ECT2L: variants seen among roughly 807,000 people sequenced by gnomAD.
ECT2L encodes the protein epithelial cell-transforming sequence 2 oncogene-like.
Under a neutral mutation model 122.8 loss-of-function variants are expected in ECT2L, and 126 were observed. The ratio of observed to expected loss-of-function variants is 1.03; its 90% CI spans 0.89 to 1.19. The LOEUF (loss-of-function observed/expected upper bound fraction) is 1.19, where lower values mean the gene tolerates loss of function less well. ECT2L is among the 50% of genes most tolerant of loss of function. ECT2L has a pLI of 0.00. For synonymous variants in ECT2L, 385 were observed against 381.8 expected (o/e 1.01, Z -0.10); for missense variants, 1,012 against 1,064.1 (o/e 0.95, Z 0.68).
intron 12 of ECT2L, among the ~76,000 whole-genome samples, chr6:138,865,863 A>G (rs17067976): frequency 0.013 from 1,934 of 152,270 alleles, 38 homozygotes; most frequent in African/African-American, 0.044. Flanking sequence ...CTAAAACACC[A>G]TATGAATCAA....
chr6:138,806,569 G>A (rs1354113598), intron 1 of ECT2L, among the ~76,000 whole-genome samples: 1 of 140,998 alleles, frequency 7.1e-6, no homozygotes, highest in African/African-American at 2.7e-5. Context: ...CTGGAGTGCA[G>A]TGGTGAAATC....
At chr6:138,894,135 C>A (rs1165186416) in intron 20 of ECT2L, among the ~76,000 whole-genome samples, 1 of 152,146 alleles carries the variant, frequency 6.6e-6, no homozygotes, top group Non-Finnish European at 1.5e-5. Context: ...CAGCTCACTG[C>A]AACCTCCACC....
chr6:138,850,855 G>T (rs1481360747), intron 9 of ECT2L, among the ~76,000 whole-genome samples: 1 of 151,938 alleles, frequency 6.6e-6, no homozygotes, highest in Non-Finnish European at 1.5e-5. Context: ...CACAAAATTA[G>T]CTGGGTGTGG....
Position 138,854,146 on chromosome 6 carries a change from G to A in ECT2L, c.1190G>A (p.Gly397Glu). Reference protein sequence around the residue: ...GGHVDFFVPLGASEAGIEVLS... With the variant: ...GGHVDFFVPLEASEAGIEVLS... The stretch of plus-strand genomic sequence containing the variant: ...CACGTGGACTTCTTCGTGCCCCTTG[G>A]AGCATCAGGTTAGCTCAGAACACCT... The change falls in exon 10 of 22, where the codon GGA (glycine) becomes GAA (glutamate). Residue 397 changes from glycine (G) to glutamate (E), a missense_variant. Coordinates refer to ENST00000541398, the MANE Select transcript of ECT2L (RefSeq NM_001077706.3). 6.2e-7 allele frequency: 1 copy of A among 1,613,682 alleles called. No homozygotes were observed. Among genetic ancestry groups the A allele is most frequent in the Non-Finnish European group, 8.5e-7 (1 of 1,179,860 alleles).
At chr6:138,828,777 T>C (rs981642922) in intron 4 of ECT2L, among the ~76,000 whole-genome samples, 4 of 152,220 alleles carry the variant, frequency 2.6e-5, no homozygotes, top group African/African-American at 9.6e-5. Context: ...AGCTTGGATT[T>C]ATGTCATCCT....
chr6:138,859,287 ATTTG>A (rs1777736676), intron 10 of ECT2L, among the ~76,000 whole-genome samples: 1 of 152,126 alleles, frequency 6.6e-6, no homozygotes, highest in East Asian at 1.9e-4. Context: ...GTATACCACA[ATTTG>A]TTTATCCATT....
intron 11 of ECT2L, among the ~76,000 whole-genome samples, chr6:138,863,839 C>T (rs1025739961): frequency 2.0e-5 from 3 of 150,616 alleles, no homozygotes; most frequent in Middle Eastern, 3.2e-3. Flanking sequence ...TGGTCTTGAT[C>T]TCCTGACCTT....
At chr6:138,872,131 C>T (rs117666518) in intron 13 of ECT2L, among the ~76,000 whole-genome samples, 17 of 152,250 alleles carry the variant, frequency 1.1e-4, no homozygotes, top group East Asian at 5.8e-4. Flanking sequence ...TGAGCCACCA[C>T]GCCTGGCCAT....
At chr6:138,895,129 T>C (rs138511613) in intron 20 of ECT2L, among the ~76,000 whole-genome samples, 17 of 152,114 alleles carry the variant, frequency 1.1e-4, no homozygotes, top group African/African-American at 3.9e-4. Context: ...ATTAGGTAAA[T>C]GCAAAAAGAT....
chr6:138,806,359 G>C (rs560778807), intron 1 of ECT2L, among the ~76,000 whole-genome samples: 17 of 152,188 alleles, frequency 1.1e-4, no homozygotes, highest in Non-Finnish European at 4.4e-5. Flanking sequence ...ATATCCACAA[G>C]TCTCTTTGAG....
At chr6:138,831,921 C>T (rs1776660441) in intron 4 of ECT2L, among the ~76,000 whole-genome samples, 1 of 152,140 alleles carries the variant, frequency 6.6e-6, no homozygotes. Flanking sequence ...CCAGGAAAGA[C>T]ATATATATGC....
intron 4 of ECT2L, among the ~76,000 whole-genome samples, chr6:138,835,762 TC>T (rs1776813767): frequency 6.6e-6 from 1 of 152,128 alleles, no homozygotes. Context: ...CAATACTACA[TC>T]CACCCTGCAG....
chr6:138,874,966 T>C (rs1243850705), intron 13 of ECT2L, among the ~76,000 whole-genome samples: 2 of 152,120 alleles, frequency 1.3e-5, no homozygotes, highest in African/African-American at 4.8e-5. Flanking sequence ...CACATGCCTG[T>C]AGTCCCAGCT....
intron 4 of ECT2L, among the ~76,000 whole-genome samples, chr6:138,822,504 G>A (rs753814994): frequency 6.6e-6 from 1 of 152,136 alleles, no homozygotes; most frequent in Admixed American, 6.6e-5. Flanking sequence ...GCAGTGAACC[G>A]AGATTATACC....
chr6:138,888,962 G>A lies in ECT2L; in HGVS notation c.2345G>A (p.Arg782Lys), dbSNP rs772098071. 2.0e-6 allele frequency: 3 copies of A among 1,497,464 alleles called. No individual in the cohort carries two copies. The highest frequency in any genetic ancestry group is 2.8e-5 in the South Asian group (2 of 70,942). The allele number at this position is 1,497,464 out of a possible 1,614,324, so 92.8% of individuals were successfully genotyped here. A position where few individuals can be genotyped will look rare whatever the true frequency, so the allele number is the denominator to read the frequency against. Reference sequence around the variant, plus strand: ...TTACAGACTCTATCAGAAGTAAACAGATATCTGATTAGGGTACAAGATGTA... The same window carrying A: ...TTACAGACTCTATCAGAAGTAAACAAATATCTGATTAGGGTACAAGATGTA... ...WGCPTLSEVN[R>K]YLIRVQDVAQ... Residue 782 changes from arginine to lysine, a missense_variant, in exon 20 of 22, where the codon AGA (arginine) becomes AAA (lysine). Coordinates refer to ENST00000541398, the MANE Select transcript of ECT2L (RefSeq NM_001077706.3).
intron 4 of ECT2L, among the ~76,000 whole-genome samples, chr6:138,818,695 C>T (rs1027602892): frequency 3.9e-5 from 6 of 152,112 alleles, no homozygotes; most frequent in South Asian, 4.2e-4. Flanking sequence ...GCAGCATGGG[C>T]GGATAGCCAA....
chr6:138,843,683 C>CTATT (rs570310879), intron 6 of ECT2L, among the ~76,000 whole-genome samples: 16 of 152,024 alleles, frequency 1.1e-4, no homozygotes, highest in Middle Eastern at 6.8e-3. Context: ...GTTAAGCCCC[C>CTATT]TATTTATTTA....
At chr6:138,871,980 A>ATT (rs11443579) in intron 13 of ECT2L, among the ~76,000 whole-genome samples, 2,221 of 148,576 alleles carry the variant, frequency 0.015, 40 homozygotes, top group African/African-American at 0.047. Flanking sequence ...TTATTTTTTA[A>ATT]TTTTTTTTTT....
intron 4 of ECT2L, among the ~76,000 whole-genome samples, chr6:138,815,909 C>T (rs956531045): frequency 2.0e-5 from 3 of 152,176 alleles, no homozygotes; most frequent in Admixed American, 2.0e-4. Context: ...TTCTCTCCTC[C>T]TCACCTGTCA....
Sources: gnomAD v4.1 joint callset for allele counts (sites outside exome capture counted in the v4.1 genomes callset) on GRCh38, gnomAD v4.1.1 for gene constraint, MANE v1.5 for transcripts, NCBI Gene and HGNC (gene_info 2026-07-23, HGNC 2026-07-21) for gene names.